VWA8: variants seen among roughly 807,000 people sequenced by gnomAD.
VWA8 encodes von Willebrand factor A domain-containing protein 8.
In VWA8, 221 loss-of-function variants were observed where a neutral mutation model predicts 241.5. That is an observed-to-expected ratio of 0.91 (90% CI 0.82 to 1.02). The LOEUF is 1.02. Ranked by LOEUF, VWA8 falls within the 50% of genes least tolerant of loss-of-function variation. The pLI is 0.00. For missense variants in VWA8, 2,322 were observed against 2,328.7 expected, an observed-to-expected ratio of 1.00 and a Z score of 0.06; for synonymous variants, 852 against 827.1, an observed-to-expected ratio of 1.03 and a Z score of -0.52.
At chr13:41,769,403 G>A (rs1482720092) in intron 20 of VWA8, among the ~76,000 whole-genome samples, 1 of 152,198 alleles carries the variant, frequency 6.6e-6, no homozygotes, top group Non-Finnish European at 1.5e-5. Flanking sequence ...TGGGAGAATA[G>A]ATAAAGCAAG....
At chr13:41,921,170 A>G (rs1358427251) in intron 2 of VWA8, among the ~76,000 whole-genome samples, 1 of 152,228 alleles carries the variant, frequency 6.6e-6, no homozygotes, top group African/African-American at 2.4e-5. Flanking sequence ...ACATAAACAC[A>G]ACCAAAGACA....
intron 17 of VWA8, among the ~76,000 whole-genome samples, chr13:41,795,588 CAT>C (rs1172560773): frequency 1.3e-5 from 2 of 152,166 alleles, no homozygotes; most frequent in Admixed American, 1.3e-4. Flanking sequence ...AAATGTGGTA[CAT>C]ATACACCATA....
chr13:41,634,329 T>C (rs922109891), intron 37 of VWA8, among the ~76,000 whole-genome samples: 1 of 152,144 alleles, frequency 6.6e-6, no homozygotes, highest in Non-Finnish European at 1.5e-5. Context: ...TACTTTATGA[T>C]TGCACCCCAA....
At chr13:41,760,071 AAACATAGACTTTAT>A (rs1425834989) in intron 21 of VWA8, among the ~76,000 whole-genome samples, 1 of 151,874 alleles carries the variant, frequency 6.6e-6, no homozygotes, top group African/African-American at 2.4e-5. Context: ...TCCTACTTCT[AAACATAGACTTTAT>A]AAGATAAATA....
At chr13:41,832,372 G>A (rs1871510129) in intron 13 of VWA8, among the ~76,000 whole-genome samples, 1 of 152,170 alleles carries the variant, frequency 6.6e-6, no homozygotes, top group African/African-American at 2.4e-5. Context: ...AAACATGCAA[G>A]AGATAGCTAA....
chr13:41,705,912 C>T (rs2045280040), intron 26 of VWA8, among the ~76,000 whole-genome samples: 1 of 152,114 alleles, frequency 6.6e-6, no homozygotes, highest in African/African-American at 2.4e-5. Context: ...GATACACATG[C>T]TTTATTAAAG....
chr13:41,737,780 C>T (rs1252159048), intron 21 of VWA8, among the ~76,000 whole-genome samples: 2 of 151,960 alleles, frequency 1.3e-5, no homozygotes, highest in Admixed American at 6.6e-5. Flanking sequence ...GCATTGTATT[C>T]GTAAGGTATA....
Position 41,822,417 on chromosome 13 carries a change from C to A in VWA8, c.1701-3031G>T, listed in dbSNP as rs531365038. On this transcript the variant is annotated intron_variant, in intron 14 of 44. Coordinates refer to ENST00000379310, the MANE Select transcript of VWA8 (RefSeq NM_015058.2). ...GTTCTGTACACAGACCATATTTCCC[C>A]TTTTTCCTATGCAGTGTAGCAAACT... Among the ~76,000 whole-genome samples, 12 of 152,276 alleles carry A rather than the reference C, an allele frequency of 7.9e-5. No individual in the cohort carries two copies. In the South Asian group the frequency reaches 1.7e-3, roughly 21 times the overall value.
intron 9 of VWA8, among the ~76,000 whole-genome samples, chr13:41,871,524 CCA>C (rs1873614951): frequency 6.6e-6 from 1 of 152,138 alleles, no homozygotes; most frequent in Non-Finnish European, 1.5e-5. Flanking sequence ...TCTCATTGTT[CCA>C]TTCCCACCTA....
chr13:41,848,116 T>A (rs1872368280), intron 12 of VWA8, among the ~76,000 whole-genome samples: 1 of 152,170 alleles, frequency 6.6e-6, no homozygotes, highest in African/African-American at 2.4e-5. Context: ...CTAAGAAATG[T>A]GCCATGTTCC....
intron 34 of VWA8, among the ~76,000 whole-genome samples, chr13:41,687,878 G>T (rs550087044): frequency 2.2e-4 from 33 of 152,138 alleles, no homozygotes; most frequent in African/African-American, 7.9e-4. Flanking sequence ...CAGGCTATAA[G>T]AATTTCTACA....
At chr13:41,697,638 A>G (rs2045223560) in intron 29 of VWA8, among the ~76,000 whole-genome samples, 1 of 152,184 alleles carries the variant, frequency 6.6e-6, no homozygotes, top group African/African-American at 2.4e-5. Context: ...GCAGTTCACA[A>G]TAGGGTTCAC....
chr13:41,786,894 G>A lies in VWA8; in HGVS notation c.2170+543C>T, dbSNP rs148526398. On this transcript the variant is annotated intron_variant, in intron 18 of 44. Transcript: ENST00000379310. ...TTTAAATGAAGAACTAAATCTCCCC[G>A]AAACTGAAAATTATATTTATGGCTA... is the stretch of plus-strand genomic sequence containing the variant. Among the ~76,000 whole-genome samples, 676 of 151,774 alleles carry A rather than the reference G, an allele frequency of 4.5e-3. 7 individuals are homozygous for A. The highest frequency in any genetic ancestry group is 4.8e-3 in the Non-Finnish European group (326 of 67,894).
intron 37 of VWA8, among the ~76,000 whole-genome samples, chr13:41,641,395 G>A (rs1046488172): frequency 6.6e-6 from 1 of 152,154 alleles, no homozygotes; most frequent in African/African-American, 2.4e-5. Context: ...AAAATATTTA[G>A]AGAGTTGATG....
chr13:41,925,767 C>A, intron 2 of VWA8: 1 of 228,196 alleles, frequency 4.4e-6, no homozygotes, highest in Non-Finnish European at 9.1e-6. Flanking sequence ...TGTCACCAAC[C>A]ATACCACTGA....
chr13:41,905,370 C>T (rs909866693), intron 4 of VWA8: 2 of 151,922 alleles, frequency 1.3e-5, no homozygotes, highest in Admixed American at 1.3e-4. Context: ...TGGTTGTTAC[C>T]TATTACCATT....
intron 12 of VWA8, among the ~76,000 whole-genome samples, chr13:41,834,648 T>C (rs182972517): frequency 6.6e-6 from 1 of 152,266 alleles, no homozygotes; most frequent in East Asian, 1.9e-4. Context: ...GTAAATTAGT[T>C]CAACCATTGT....
At position 41,732,063 on chromosome 13, in the gene VWA8, A is replaced by G. The variant is rs769965716; in HGVS notation, c.2502+17T>C. 11 of 1,600,426 alleles carry G rather than the reference A, an allele frequency of 6.9e-6. No individual in the cohort carries two copies. The Admixed American group carries it at 1.0e-4, about 15-fold the overall frequency. The stretch of plus-strand genomic sequence containing the variant: ...CAAAAATACACTTGAAAATATTTCT[A>G]TGATTAGGTTACTAACCAAAGGTGA... On this transcript the variant is annotated intron_variant, in intron 22 of 44. Transcript: ENST00000379310.
intron 37 of VWA8, among the ~76,000 whole-genome samples, chr13:41,641,902 G>A (rs1446022080): frequency 6.6e-6 from 1 of 151,726 alleles, no homozygotes; most frequent in Non-Finnish European, 1.5e-5. Context: ...TAAAACACCA[G>A]AGAGATTCTA....
Sources: gnomAD v4.1 joint callset for allele counts (sites outside exome capture counted in the v4.1 genomes callset) on GRCh38, gnomAD v4.1.1 for gene constraint, MANE v1.5 for transcripts, NCBI Gene and HGNC (gene_info 2026-07-23, HGNC 2026-07-21) for gene names.